Variants in CACNA1C observed in about 807,000 individuals in gnomAD.
CACNA1C encodes the protein calcium voltage-gated channel subunit alpha1 C.
Under a neutral mutation model 229.0 loss-of-function variants are expected in CACNA1C, and 30 were observed. That is an observed-to-expected ratio of 0.13 (90% CI 0.10 to 0.18). The LOEUF is 0.18. CACNA1C is among the 10% of genes least tolerant of loss of function. CACNA1C has a pLI of 1.00. For missense variants in CACNA1C, 1,658 were observed against 2,845.0 expected, an observed-to-expected ratio of 0.58 and a Z score of 9.49; for synonymous variants, 1,114 against 1,132.5, an observed-to-expected ratio of 0.98 and a Z score of 0.33.
chr12:2,450,553 C>CAAAAAAAAAAAAAA (rs796416420), intron 4 of CACNA1C, among the ~76,000 whole-genome samples: 1 of 39,020 alleles, frequency 2.6e-5, no homozygotes. Context: ...GACTCCATCT[C>CAAAAAAAAAAAAAA]AAAAAAAAAA....
chr12:2,333,629 G>A (rs749977038), intron 3 of CACNA1C, among the ~76,000 whole-genome samples: 13 of 152,100 alleles, frequency 8.5e-5, no homozygotes, highest in African/African-American at 2.4e-4. Context: ...CTTGTTCTCC[G>A]TCACCTCACA....
chr12:2,163,219 A>G (rs1197240240), intron 3 of CACNA1C, among the ~76,000 whole-genome samples: 2 of 151,744 alleles, frequency 1.3e-5, no homozygotes, highest in African/African-American at 4.8e-5. Context: ...AAAAAAAAAA[A>G]AAGTGACCAC....
intron 4 of CACNA1C, among the ~76,000 whole-genome samples, chr12:2,455,426 T>A (rs1343471268): frequency 1.3e-5 from 2 of 152,242 alleles, no homozygotes; most frequent in African/African-American, 2.4e-5. Flanking sequence ...GAATGATTTT[T>A]TATATTTATT....
At chr12:2,056,839 T>G (rs2055154577) in intron 1 of CACNA1C, among the ~76,000 whole-genome samples, 1 of 152,228 alleles carries the variant, frequency 6.6e-6, no homozygotes, top group Non-Finnish European at 1.5e-5. Context: ...AGAGTCAATT[T>G]TTCATTATTT....
Position 2,329,271 on chromosome 12 carries a change from G to A in CACNA1C, c.478-119705G>A, listed in dbSNP as rs553680195. Among the ~76,000 whole-genome samples the A allele has an allele frequency of 2.6e-4, 40 of 152,272 alleles. 1 individual carries two copies. In the South Asian group the frequency reaches 3.1e-3, roughly 12 times the overall value. On this transcript the variant is annotated intron_variant, in intron 3 of 46. Coordinates refer to ENST00000399655, the MANE Select transcript of CACNA1C (RefSeq NM_000719.7). The stretch of plus-strand genomic sequence containing the variant: ...AACTTTGGAATGGTTTTGATTAGTG[G>A]AATAACAGCATCAACAGTTTCTACC...
chr12:2,043,812 C>CCAT, intron 1 of CACNA1C, among the ~76,000 whole-genome samples: 1 of 135,278 alleles, frequency 7.4e-6, no homozygotes, highest in East Asian at 2.0e-4. Context: ...CCCGCCATTG[C>CCAT]GCCCGGCTAA....
chr12:2,288,103 C>T (rs1279740659), intron 3 of CACNA1C: 1 of 152,260 alleles, frequency 6.6e-6, no homozygotes, highest in Non-Finnish European at 1.5e-5. Context: ...CGAGCCCTGC[C>T]CAAGGACATA....
At position 2,190,896 on chromosome 12, in the gene CACNA1C, G is replaced by A. The variant is rs148607426; in HGVS notation, c.477+70466G>A. ...AACCCGCCCCCTTTTAAACCCCTGAGTCTGGCTGACAGATAAGGGCCCAAG... is the reference window on the plus strand; with the variant it reads ...AACCCGCCCCCTTTTAAACCCCTGAATCTGGCTGACAGATAAGGGCCCAAG... On this transcript the variant is annotated intron_variant, in intron 3 of 46. Coordinates refer to ENST00000399655, the MANE Select transcript of CACNA1C (RefSeq NM_000719.7). 3.9e-4 allele frequency among the ~76,000 whole-genome samples: 59 copies of A among 152,280 alleles called. No homozygotes were observed. The East Asian group carries it at 0.011, about 27-fold the overall frequency.
chr12:2,377,330 C>T (rs552454506), intron 3 of CACNA1C, among the ~76,000 whole-genome samples: 2 of 152,170 alleles, frequency 1.3e-5, no homozygotes, highest in South Asian at 2.1e-4. Context: ...GTTGTCATGC[C>T]GAAGCCCAGG....
At chr12:2,243,140 A>T (rs539861302) in intron 3 of CACNA1C, among the ~76,000 whole-genome samples, 2 of 152,308 alleles carry the variant, frequency 1.3e-5, no homozygotes, top group East Asian at 3.9e-4. Flanking sequence ...GTTATTACTA[A>T]TAAGTGTATG....
In CACNA1C at chr12:2,632,369, C is replaced by T. The variant is rs2090871442; in HGVS notation, c.3829-1928C>T. 6.6e-6 allele frequency among the ~76,000 whole-genome samples: 1 copy of T among 151,970 alleles called. No homozygotes were observed. ...GCCTGTAGCTGGGGGTGTATGCACC[C>T]ATTCAGTCACAGAACATCGCTGTGC... On this transcript the variant is annotated intron_variant, in intron 29 of 46. Transcript: ENST00000399655. This position sits in a 1 kb window ranked among gnomAD's most constrained non-coding sequence, Gnocchi z 4.1.
In CACNA1C at chr12:2,695,211, A is replaced by T. The variant is rs2097829539; in HGVS notation, c.*4012A>T. On this transcript the variant is annotated 3_prime_UTR_variant, in exon 47 of 47. Coordinates refer to ENST00000399655, the MANE Select transcript of CACNA1C (RefSeq NM_000719.7). The stretch of plus-strand genomic sequence containing the variant: ...GGAGGCAAGAAAAGGGCATATTTTG[A>T]CTCCCTCTGTGCCTCTTCCCAGTTC... 1 of 151,848 alleles carries T rather than the reference A, an allele frequency of 6.6e-6. No individual in the cohort carries two copies. Among genetic ancestry groups the T allele is most frequent in the Admixed American group, 6.6e-5 (1 of 15,254 alleles). 9.4% of individuals were successfully genotyped at this position (151,848 alleles called of 1,614,324 possible). A position where few individuals can be genotyped will look rare whatever the true frequency, so the allele number is the denominator to read the frequency against.
At chr12:2,310,743 G>A (rs1417939344) in intron 3 of CACNA1C, among the ~76,000 whole-genome samples, 3 of 152,202 alleles carry the variant, frequency 2.0e-5, no homozygotes, top group Non-Finnish European at 4.4e-5. Context: ...AGTTCTCTGG[G>A]CATGAGAGAT....
intron 3 of CACNA1C, among the ~76,000 whole-genome samples, chr12:2,430,345 A>G (rs1236511300): frequency 6.6e-6 from 1 of 152,224 alleles, no homozygotes; most frequent in Admixed American, 6.5e-5. Flanking sequence ...ATGAACTGGC[A>G]GGACAGGTGT....
At chr12:2,422,241 G>A (rs1395648157) in intron 3 of CACNA1C, among the ~76,000 whole-genome samples, 1 of 152,196 alleles carries the variant, frequency 6.6e-6, no homozygotes, top group Admixed American at 6.5e-5. Flanking sequence ...GAGAGGAGGA[G>A]GAAGGAGCGG....
At chr12:2,175,607 C>G (rs1241924495) in intron 3 of CACNA1C, among the ~76,000 whole-genome samples, 1 of 152,168 alleles carries the variant, frequency 6.6e-6, no homozygotes, top group Non-Finnish European at 1.5e-5. Context: ...ACTGAGGCCC[C>G]ATCAGCCTTT....
At chr12:2,330,947 A>G (rs1248620440) in intron 3 of CACNA1C, among the ~76,000 whole-genome samples, 1 of 152,228 alleles carries the variant, frequency 6.6e-6, no homozygotes. Context: ...GAAATTACAA[A>G]AATTGGGGAT....
chr12:2,052,208 G>C (rs906311627), upstream of CACNA1C, among the ~76,000 whole-genome samples: 5 of 152,146 alleles, frequency 3.3e-5, no homozygotes, highest in East Asian at 9.6e-4. Flanking sequence ...TAGAACACGT[G>C]CTCGGCTGCC....
At chr12:2,483,054 G>A (rs554773013) in intron 5 of CACNA1C, among the ~76,000 whole-genome samples, 4 of 152,362 alleles carry the variant, frequency 2.6e-5, no homozygotes, top group African/African-American at 9.6e-5. Context: ...GGCTCCATGT[G>A]CATGGAGTCC....
Sources: allele counts gnomAD v4.1 joint callset (sites outside exome capture counted in the v4.1 genomes callset), GRCh38; gene constraint gnomAD v4.1.1; non-coding constraint Gnocchi (gnomAD v3.1); transcripts MANE v1.5; gene names NCBI Gene and HGNC (gene_info 2026-07-23, HGNC 2026-07-21).